Variants in NTRK3 observed in about 807,000 individuals in gnomAD.
NTRK3 encodes neurotrophic receptor tyrosine kinase 3, also known as NT-3 growth factor receptor.
In NTRK3, 24 loss-of-function variants were observed where a neutral mutation model predicts 91.7. That is an observed-to-expected ratio of 0.26 (90% CI 0.19 to 0.37). The LOEUF (loss-of-function observed/expected upper bound fraction) is 0.37, where lower values mean the gene tolerates loss of function less well. NTRK3 is among the 10% of genes least tolerant of loss of function. The pLI, the probability that NTRK3 is intolerant of heterozygous loss-of-function variation, is 1.00. For missense variants in NTRK3, 880 were observed against 1,068.9 expected, an observed-to-expected ratio of 0.82 and a Z score of 2.46; for synonymous variants, 483 against 404.0, an observed-to-expected ratio of 1.20 and a Z score of -2.34.
At chr15:88,060,259 C>T (rs555320940) in intron 13 of NTRK3, among the ~76,000 whole-genome samples, 2 of 152,162 alleles carry the variant, frequency 1.3e-5, no homozygotes, top group Admixed American at 6.5e-5. Flanking sequence ...TGGCAGTTGC[C>T]TGTAATCCCA....
chr15:87,978,230 C>T (rs2073899516), intron 14 of NTRK3: 2 of 230,988 alleles, frequency 8.7e-6, no homozygotes, highest in East Asian at 6.1e-5. Flanking sequence ...CGAGCCCCCT[C>T]TTTGGGAGAG....
intron 5 of NTRK3, among the ~76,000 whole-genome samples, chr15:88,176,133 CTTCTT>C (rs1194351614): frequency 3.5e-5 from 4 of 115,646 alleles, no homozygotes; most frequent in Admixed American, 3.2e-4. Context: ...CTATATGCCC[CTTCTT>C]TTTTTTTTTT....
At chr15:87,963,745 A>G (rs1009876922) in intron 14 of NTRK3, among the ~76,000 whole-genome samples, 4 of 152,208 alleles carry the variant, frequency 2.6e-5, no homozygotes, top group Non-Finnish European at 5.9e-5. Flanking sequence ...ATCAGGACAT[A>G]GCCTCATGGT....
intron 13 of NTRK3, among the ~76,000 whole-genome samples, chr15:88,101,170 GA>G (rs1239255694): frequency 1.3e-5 from 2 of 151,950 alleles, no homozygotes; most frequent in Non-Finnish European, 2.9e-5. Context: ...AAATTTACAA[GA>G]AAAAAACAAA....
At chr15:87,927,649 G>A (rs1382105600) in intron 17 of NTRK3, 1 of 152,176 alleles carries the variant, frequency 6.6e-6, no homozygotes, top group South Asian at 2.1e-4. Flanking sequence ...TGAGGGCAAT[G>A]CATTCATATG....
chr15:87,929,322 C>A (rs761075951), exon 17 of NTRK3: 1 of 1,614,184 alleles, frequency 6.2e-7, no homozygotes, highest in Non-Finnish European at 8.5e-7. Flanking sequence ...GCCAGGTACA[C>A]CATACCCGAG....
At chr15:88,060,698 C>G (rs1271381746) in intron 13 of NTRK3, among the ~76,000 whole-genome samples, 1 of 152,122 alleles carries the variant, frequency 6.6e-6, no homozygotes, top group African/African-American at 2.4e-5. Context: ...TCACATGGCT[C>G]AGGCTGCTGT....
At chr15:88,222,938 C>A (rs2050357248) in intron 3 of NTRK3, among the ~76,000 whole-genome samples, 1 of 152,190 alleles carries the variant, frequency 6.6e-6, no homozygotes, top group Non-Finnish European at 1.5e-5. Flanking sequence ...CCGCAGGATT[C>A]TTTTGGGGTT....
Position 88,156,922 on chromosome 15 carries a change from C to T in NTRK3, c.396-9519G>A, listed in dbSNP as rs565223637. On this transcript the variant is annotated intron_variant, in intron 5 of 18. Transcript: ENST00000394480. Reference sequence around the variant, plus strand: ...TTCATCTGAAGGGACCTAAAACCAACCTGAGTTTCTAGGGACACTGGAAGG... The same window carrying T: ...TTCATCTGAAGGGACCTAAAACCAATCTGAGTTTCTAGGGACACTGGAAGG... Among the ~76,000 whole-genome samples, 214 of 152,308 alleles carry T rather than the reference C, an allele frequency of 1.4e-3. 5 individuals are homozygous for T. The highest frequency in any genetic ancestry group is 7.7e-4 in the East Asian group (4 of 5,176).
intron 13 of NTRK3, among the ~76,000 whole-genome samples, chr15:88,056,175 C>CATATAT (rs71462431): frequency 3.5e-5 from 2 of 57,240 alleles, no homozygotes; most frequent in African/African-American, 5.6e-5. Context: ...AGACTGTTTT[C>CATATAT]ATATATATAT....
At chr15:88,187,964 A>G (rs552417173) in intron 3 of NTRK3, among the ~76,000 whole-genome samples, 7 of 151,938 alleles carry the variant, frequency 4.6e-5, no homozygotes, top group African/African-American at 9.7e-5. Flanking sequence ...ATCAATACCT[A>G]TTAACTTCTA....
intron 14 of NTRK3, among the ~76,000 whole-genome samples, chr15:87,973,723 G>C (rs2073457359): frequency 6.6e-6 from 1 of 152,118 alleles, no homozygotes; most frequent in Non-Finnish European, 1.5e-5. Flanking sequence ...ATGGAAGCCA[G>C]ACTCCCCATT....
chr15:88,214,043 C>T (rs1392820249), intron 3 of NTRK3, among the ~76,000 whole-genome samples: 2 of 151,778 alleles, frequency 1.3e-5, no homozygotes, highest in Non-Finnish European at 2.9e-5. Flanking sequence ...CATGCCACTG[C>T]ACTCCAACCT....
intron 5 of NTRK3, among the ~76,000 whole-genome samples, chr15:88,152,715 C>T (rs909246785): frequency 1.3e-5 from 2 of 152,246 alleles, no homozygotes; most frequent in Non-Finnish European, 2.9e-5. Flanking sequence ...GCCAAGTTGG[C>T]TGCCTCACTG....
At chr15:88,213,783 G>A (rs921606108) in intron 3 of NTRK3, among the ~76,000 whole-genome samples, 3 of 152,162 alleles carry the variant, frequency 2.0e-5, no homozygotes, top group Non-Finnish European at 2.9e-5. Flanking sequence ...GCTTAAGTAA[G>A]ATTTGAAACG....
At chr15:88,136,244 G>A (rs561229349) in intron 8 of NTRK3, among the ~76,000 whole-genome samples, 22 of 152,370 alleles carry the variant, frequency 1.4e-4, no homozygotes, top group Non-Finnish European at 2.6e-4. Flanking sequence ...TGAGGTGAAC[G>A]GTAGTTCAGT....
At chr15:87,873,090 G>T in exon 19 of NTRK3, 1 of 232,762 alleles carries the variant, frequency 4.3e-6, no homozygotes, top group Non-Finnish European at 8.5e-6. Context: ...CTGGCTGACA[G>T]CTCTCCCGTT....
Position 88,154,087 on chromosome 15 carries a change from G to A in NTRK3, c.396-6684C>T, listed in dbSNP as rs570392336. Reference sequence around the variant, plus strand: ...CAAGAAAAGAGAATTCCCTGATGCAGCACCAAGCCCACATAGACTTTGCAA... The same window carrying A: ...CAAGAAAAGAGAATTCCCTGATGCAACACCAAGCCCACATAGACTTTGCAA... On this transcript the variant is annotated intron_variant, in intron 5 of 18. Coordinates refer to ENST00000394480, the Ensembl canonical transcript of NTRK3. Among the ~76,000 whole-genome samples the A allele has an allele frequency of 4.9e-4, 65 of 131,546 alleles. 1 individual carries two copies. Among genetic ancestry groups the A allele is most frequent in the South Asian group, 2.9e-3 (12 of 4,082 alleles). 86.3% of individuals were successfully genotyped at this position (131,546 alleles called of 152,430 possible). A position where few individuals can be genotyped will look rare whatever the true frequency, so the allele number is the denominator to read the frequency against.
At chr15:88,239,076 T>C (rs763213112) in intron 3 of NTRK3, among the ~76,000 whole-genome samples, 7 of 152,178 alleles carry the variant, frequency 4.6e-5, no homozygotes, top group Non-Finnish European at 8.8e-5. Flanking sequence ...GCTAGCACTA[T>C]GAGCTCCAGG....
Sources: gnomAD v4.1 joint callset for allele counts (sites outside exome capture counted in the v4.1 genomes callset) on GRCh38, gnomAD v4.1.1 for gene constraint, MANE v1.5 for transcripts, NCBI Gene and HGNC (gene_info 2026-07-23, HGNC 2026-07-21) for gene names.